LRRC7: variants seen among roughly 807,000 people sequenced by gnomAD.
The protein encoded by LRRC7 is leucine rich repeat containing 7, also known as leucine-rich repeat-containing protein 7.
Under a neutral mutation model 175.7 loss-of-function variants are expected in LRRC7, and 23 were observed. The observed-to-expected ratio is 0.13, with a 90% CI of 0.09 to 0.19. LRRC7 has a LOEUF of 0.19. Among genes scored for constraint, LRRC7 ranks in the 10% least tolerant of loss-of-function variants. The pLI, the probability that LRRC7 is intolerant of heterozygous loss-of-function variation, is 1.00. For synonymous variants in LRRC7, 685 were observed against 680.9 expected (o/e 1.01, Z -0.09); for missense variants, 1,354 against 1,904.7 (o/e 0.71, Z 5.38).
intron 7 of LRRC7, among the ~76,000 whole-genome samples, chr1:69,857,877 T>C (rs1236887195): frequency 2.7e-4 from 41 of 152,126 alleles, no homozygotes; most frequent in Non-Finnish European, 1.5e-5. Context: ...AAGGCTACAG[T>C]AACCAAAACA....
rs1473575123 is a variant in LRRC7, at chr1:70,132,280, A to G, written c.*10393A>G. 6.6e-6 allele frequency: 1 copy of G among 152,218 alleles called. No homozygotes were observed. The highest frequency in any genetic ancestry group is 2.4e-5 in the African/African-American group (1 of 41,438). The allele number at this position is 152,218 out of a possible 1,614,324, so 9.4% of individuals were successfully genotyped here. A position where few individuals can be genotyped will look rare whatever the true frequency, so the allele number is the denominator to read the frequency against. ...GATGTCAAAAGAAGAATTTACAGTG[A>G]AAAATAAGGTGCATATTAGAAATAT... On this transcript the variant is annotated 3_prime_UTR_variant, in exon 27 of 27. Transcript: ENST00000651989.
chr1:70,065,335 T>G (rs1005725982), intron 23 of LRRC7, among the ~76,000 whole-genome samples: 3 of 151,996 alleles, frequency 2.0e-5, no homozygotes, highest in Non-Finnish European at 4.4e-5. Context: ...AAACTTTGCT[T>G]CTCAGTTTTC....
At chr1:69,741,348 T>C (rs913286507) in intron 2 of LRRC7, among the ~76,000 whole-genome samples, 1 of 152,034 alleles carries the variant, frequency 6.6e-6, no homozygotes, top group Admixed American at 6.6e-5. Context: ...TTGTTGTTTG[T>C]TTGATTGTTT....
At chr1:69,799,102 GTTT>G (rs34579269) in intron 4 of LRRC7, among the ~76,000 whole-genome samples, 2 of 136,136 alleles carry the variant, frequency 1.5e-5, no homozygotes, top group Non-Finnish European at 1.6e-5. Context: ...CTGAATGCTA[GTTT>G]TTTTTTTTTT....
At chr1:69,871,359 A>G (rs1004007528) in intron 7 of LRRC7, among the ~76,000 whole-genome samples, 1 of 152,056 alleles carries the variant, frequency 6.6e-6, no homozygotes, top group Non-Finnish European at 1.5e-5. Flanking sequence ...GAGAAGATCA[A>G]ATGATATGGC....
rs1379094323 is a variant in LRRC7, at chr1:70,130,562, G to A, written c.*8675G>A. ...TAAGACATTTTTGGTCTTTTCTGCT[G>A]TGTTTCAGCAGTTACATTTAATTTT... On this transcript the variant is annotated 3_prime_UTR_variant, in exon 27 of 27. Transcript: ENST00000651989. 1.3e-5 allele frequency among the ~76,000 whole-genome samples: 2 copies of A among 152,148 alleles called. No individual in the cohort carries two copies. Among genetic ancestry groups the A allele is most frequent in the African/African-American group, 4.8e-5 (2 of 41,430 alleles).
chr1:69,659,302 G>A (rs1657093698), intron 1 of LRRC7, among the ~76,000 whole-genome samples: 1 of 151,734 alleles, frequency 6.6e-6, no homozygotes, highest in Non-Finnish European at 1.5e-5. Flanking sequence ...GGAGAACAAT[G>A]AGGATAGAGT....
chr1:69,940,098 G>T (rs1005633335), intron 8 of LRRC7, among the ~76,000 whole-genome samples: 6 of 152,112 alleles, frequency 3.9e-5, no homozygotes, highest in African/African-American at 1.4e-4. Flanking sequence ...AGTTTGAAAG[G>T]AATTCTTGAA....
intron 7 of LRRC7, chr1:69,874,466 A>C (rs2101590775): frequency 6.6e-6 from 1 of 152,264 alleles, no homozygotes; most frequent in African/African-American, 2.4e-5. Flanking sequence ...TTTTGGAACA[A>C]GTCAAAATAC....
chr1:69,998,370 A>C (rs1655209014), intron 11 of LRRC7, among the ~76,000 whole-genome samples: 1 of 152,186 alleles, frequency 6.6e-6, no homozygotes, highest in Non-Finnish European at 1.5e-5. Flanking sequence ...AACTTGCTAA[A>C]ATTCAAACTC....
At chr1:69,808,734 A>G (rs893281635) in intron 4 of LRRC7, among the ~76,000 whole-genome samples, 1 of 152,156 alleles carries the variant, frequency 6.6e-6, no homozygotes. Context: ...GACACAATGT[A>G]CCATAATCTC....
At chr1:70,026,704 C>T (rs1043551451) in intron 17 of LRRC7, among the ~76,000 whole-genome samples, 1 of 152,164 alleles carries the variant, frequency 6.6e-6, no homozygotes, top group East Asian at 1.9e-4. Context: ...GATTAAACTA[C>T]ATTTAAACAG....
intron 7 of LRRC7, among the ~76,000 whole-genome samples, chr1:69,910,004 G>A (rs1359951648): frequency 6.6e-6 from 1 of 151,914 alleles, no homozygotes; most frequent in African/African-American, 2.4e-5. Flanking sequence ...TTCCCTTCTT[G>A]CTTCATTTCA....
Position 70,123,256 on chromosome 1 carries a change from C to A in LRRC7, c.*1369C>A, listed in dbSNP as rs546050883. The A allele has an allele frequency of 1.3e-5, 2 of 151,700 alleles. No homozygotes were observed. Among genetic ancestry groups the A allele is most frequent in the Admixed American group, 6.6e-5 (1 of 15,218 alleles). The allele number at this position is 151,700 out of a possible 1,614,324, so 9.4% of individuals were successfully genotyped here. On this transcript the variant is annotated 3_prime_UTR_variant, in exon 27 of 27. Coordinates refer to ENST00000651989, the MANE Select transcript of LRRC7 (RefSeq NM_001370785.2). ...TAATTTGAATTTCCAGGATAATTTC[C>A]CGGAGTTGGTTGCATGCATTATCTT...
At chr1:69,762,092 T>A (rs1671102425) in intron 3 of LRRC7, among the ~76,000 whole-genome samples, 1 of 151,944 alleles carries the variant, frequency 6.6e-6, no homozygotes, top group Non-Finnish European at 1.5e-5. Context: ...CTAAAAAAAT[T>A]TTTTTTATTT....
chr1:69,580,938 T>C (rs1197191042), intron 1 of LRRC7, among the ~76,000 whole-genome samples: 4 of 152,178 alleles, frequency 2.6e-5, no homozygotes, highest in Admixed American at 6.6e-5. Context: ...TCTAAGATGA[T>C]AGAAGTTAGC....
intron 8 of LRRC7, among the ~76,000 whole-genome samples, chr1:69,948,909 C>G (rs1439201419): frequency 3.3e-5 from 5 of 152,142 alleles, no homozygotes; most frequent in Non-Finnish European, 7.3e-5. Flanking sequence ...ATATCTGACT[C>G]TATTACTCAT....
chr1:69,881,648 G>T (rs1026597710), intron 7 of LRRC7, among the ~76,000 whole-genome samples: 2 of 151,990 alleles, frequency 1.3e-5, no homozygotes, highest in African/African-American at 4.8e-5. Flanking sequence ...GGAGGCCAAG[G>T]CAGGAGGATC....
intron 2 of LRRC7, among the ~76,000 whole-genome samples, chr1:69,713,095 G>A (rs1664958811): frequency 6.6e-6 from 1 of 152,074 alleles, no homozygotes; most frequent in African/African-American, 2.4e-5. Context: ...CATGGATACT[G>A]TAATAATATA....
Sources: gnomAD v4.1 joint callset for allele counts (sites outside exome capture counted in the v4.1 genomes callset) on GRCh38, gnomAD v4.1.1 for gene constraint, MANE v1.5 for transcripts, NCBI Gene and HGNC (gene_info 2026-07-23, HGNC 2026-07-21) for gene names.